The following KCTD7 variants were observed in gnomAD, a reference collection of about 807,000 sequenced individuals.
The protein encoded by KCTD7 is BTB/POZ domain-containing protein KCTD7.
KCTD7 carries 15 observed loss-of-function variants against 27.0 expected under a neutral mutation model. The observed-to-expected ratio is 0.56, with a 90% CI of 0.37 to 0.86. The LOEUF is 0.86. Ranked by LOEUF, KCTD7 falls within the 40% of genes least tolerant of loss-of-function variation. The probability of loss-of-function intolerance (pLI) is 0.00; values close to 1 mark genes in which losing one functional copy is unlikely to be tolerated. For missense variants in KCTD7, 299 were observed against 398.9 expected (o/e 0.75, Z 2.13); for synonymous variants, 159 against 162.7 (o/e 0.98, Z 0.17).
In KCTD7 at chr7:66,633,208, G is replaced by A. The variant is rs1786494238; in HGVS notation, c.145-67G>A. On this transcript the variant is annotated intron_variant, in intron 1 of 3. Transcript: ENST00000639828. The stretch of plus-strand genomic sequence containing the variant: ...TGGCACCAATCAGACCCCAGGGATT[G>A]AAGATGGAGCAGCCCCAGCTCTCAT... 2.0e-6 allele frequency: 3 copies of A among 1,538,042 alleles called. No homozygotes were observed. The South Asian group carries it at 3.4e-5, about 17-fold the overall frequency.
chr7:66,639,357 A>G lies in KCTD7; in HGVS notation c.*125A>G. On this transcript the variant is annotated 3_prime_UTR_variant, in exon 4 of 4. Coordinates refer to ENST00000639828, the MANE Select transcript of KCTD7 (RefSeq NM_153033.5). ...CTGCCGAGGTGAGAACAGCATCCTG[A>G]GGCACAGCTCCCAGGGGACAGAGGT... 1 of 1,565,302 alleles carries G rather than the reference A, an allele frequency of 6.4e-7. No homozygotes were observed. The highest frequency in any genetic ancestry group is 1.1e-5 in the South Asian group (1 of 87,472).
At position 66,633,403 on chromosome 7, in the gene KCTD7, C is replaced by T. The variant is rs139585796; in HGVS notation, c.273C>T (p.Ser91=). The change falls in exon 2 of 4, where the codon TCC becomes TCT. Residue 91 remains serine, a synonymous_variant. Transcript: ENST00000639828. ...GGCGGCACTACATCCCCACGGACTC[C>T]GAGGGCCGGTACTTCATCGACCGAG... ...FSGRHYIPTD[S]EGRYFIDRDG... is the part of the protein sequence containing the mutation. The T allele has an allele frequency of 3.8e-4, 609 of 1,614,010 alleles. No homozygotes were observed. The highest frequency in any genetic ancestry group is 9.9e-4 in the Middle Eastern group (6 of 6,060).
Position 66,640,853 on chromosome 7 carries a change from AAATT to A in KCTD7, c.*1622_*1625del. The A allele has an allele frequency of 1.0e-6, 1 of 983,724 alleles. No individual in the cohort carries two copies. Among genetic ancestry groups the A allele is most frequent in the Non-Finnish European group, 1.2e-6 (1 of 828,030 alleles). 60.9% of individuals were successfully genotyped at this position (983,724 alleles called of 1,614,324 possible). On this transcript the variant is annotated 3_prime_UTR_variant, in exon 4 of 4. Transcript: ENST00000639828. ...CGTAAAAATAAATAAATAAATAAAT[AAATT>A]GGGGAGGACAGCCTCACTGGTATCA...
Position 66,642,387 on chromosome 7 carries a change from C to CT in KCTD7, c.*3156dup. 1.0e-6 allele frequency: 1 copy of CT among 985,152 alleles called. No individual in the cohort carries two copies. The highest frequency in any genetic ancestry group is 1.2e-6 in the Non-Finnish European group (1 of 829,728). The allele number at this position is 985,152 out of a possible 1,614,324, so 61.0% of individuals were successfully genotyped here. A position where few individuals can be genotyped will look rare whatever the true frequency, so the allele number is the denominator to read the frequency against. ...TCTGGGAGCTGTCTGAGCCTTGTGC[C>CT]TAAGGCTTATCAGGTGATATAATCT... On this transcript the variant is annotated 3_prime_UTR_variant, in exon 4 of 4. Coordinates refer to ENST00000639828, the MANE Select transcript of KCTD7 (RefSeq NM_153033.5).
intron 1 of KCTD7, among the ~76,000 whole-genome samples, chr7:66,629,913 G>A (rs536568236): frequency 6.6e-6 from 1 of 152,286 alleles, no homozygotes; most frequent in African/African-American, 2.4e-5. Context: ...GTGCACAGGG[G>A]CTTCCACGGG....
At position 66,630,806 on chromosome 7, in the gene KCTD7, A is replaced by G. The variant is rs373887179; in HGVS notation, c.144+1598A>G. ...GATTGCAGACCAGGGCCCCACCACC[A>G]GTTCCCCCCACTGATGACATTGCCC... On this transcript the variant is annotated intron_variant, in intron 1 of 3. Coordinates refer to ENST00000639828, the MANE Select transcript of KCTD7 (RefSeq NM_153033.5). Among the ~76,000 whole-genome samples the G allele has an allele frequency of 5.6e-4, 86 of 152,302 alleles. 1 individual carries two copies. The East Asian group carries it at 0.012, about 21-fold the overall frequency.
At chr7:66,634,134 A>ATATG (rs1554397976) in intron 2 of KCTD7, among the ~76,000 whole-genome samples, 2 of 145,666 alleles carry the variant, frequency 1.4e-5, no homozygotes, top group Admixed American at 6.9e-5. Context: ...ATATATATAT[A>ATATG]TATGTATATA....
chr7:66,640,799 C>T lies in KCTD7; in HGVS notation c.*1567C>T. 3 of 976,286 alleles carry T rather than the reference C, an allele frequency of 3.1e-6. No homozygotes were observed. Among genetic ancestry groups the T allele is most frequent in the Non-Finnish European group, 2.4e-6 (2 of 818,248 alleles). 60.5% of individuals were successfully genotyped at this position (976,286 alleles called of 1,614,324 possible). A position where few individuals can be genotyped will look rare whatever the true frequency, so the allele number is the denominator to read the frequency against. On this transcript the variant is annotated 3_prime_UTR_variant, in exon 4 of 4. Coordinates refer to ENST00000639828, the MANE Select transcript of KCTD7 (RefSeq NM_153033.5). Reference sequence around the variant, plus strand: ...ATACTATGATCGTGCCTGTGGCTAGCCACTGTGCTCCAGCCTGGGCAACAC... The same window carrying T: ...ATACTATGATCGTGCCTGTGGCTAGTCACTGTGCTCCAGCCTGGGCAACAC...
rs1336919986 is a variant in KCTD7 at position 66,628,941 on chromosome 7, C to A, written c.-124C>A. On this transcript the variant is annotated 5_prime_UTR_variant, in exon 1 of 4. Transcript: ENST00000639828. ...CCGCCCTCCCGCCTGCGCACTGCCT[C>A]TCGCCCCCCTCCGGCCAGCCCGCAG... The A allele has an allele frequency of 1.3e-5, 13 of 1,009,174 alleles. No individual in the cohort carries two copies. Among genetic ancestry groups the A allele is most frequent in the African/African-American group, 8.5e-5 (5 of 58,668 alleles). 62.5% of individuals were successfully genotyped at this position (1,009,174 alleles called of 1,614,324 possible).
Position 66,638,849 on chromosome 7 carries a change from C to T in KCTD7, c.494-7C>T, listed in dbSNP as rs768234025. 6.2e-7 allele frequency: 1 copy of T among 1,613,950 alleles called. No individual in the cohort carries two copies. The highest frequency in any genetic ancestry group is 8.5e-7 in the Non-Finnish European group (1 of 1,180,020). ...CCTAGTGATAGGTGTTGTGTTCATCCTTATAGACCACTTGGAGCGGATTGT... is the reference window on the plus strand; with the variant it reads ...CCTAGTGATAGGTGTTGTGTTCATCTTTATAGACCACTTGGAGCGGATTGT... On this transcript the variant is annotated splice_region_variant and splice_polypyrimidine_tract_variant and intron_variant, in intron 3 of 3. Transcript: ENST00000639828.
intron 1 of KCTD7, among the ~76,000 whole-genome samples, chr7:66,631,146 C>T (rs1057250046): frequency 9.2e-5 from 14 of 152,228 alleles, no homozygotes; most frequent in African/African-American, 2.9e-4. Context: ...AATTTTGGGT[C>T]TTTATTTGAG....
rs2116776165 is a variant in KCTD7 at position 66,639,373 on chromosome 7, G to A, written c.*141G>A. 6.5e-7 allele frequency: 1 copy of A among 1,541,520 alleles called. No homozygotes were observed. The highest frequency in any genetic ancestry group is 8.7e-7 in the Non-Finnish European group (1 of 1,148,626). ...AGCATCCTGAGGCACAGCTCCCAGG[G>A]GACAGAGGTGTAGCTCCAATCTCCC... is the stretch of plus-strand genomic sequence containing the variant. On this transcript the variant is annotated 3_prime_UTR_variant, in exon 4 of 4. Transcript: ENST00000639828.
At position 66,642,545 on chromosome 7, in the gene KCTD7, A is replaced by G; in HGVS notation, c.*3313A>G. 1.0e-6 allele frequency: 1 copy of G among 985,432 alleles called. No homozygotes were observed. Among genetic ancestry groups the G allele is most frequent in the Non-Finnish European group, 1.2e-6 (1 of 829,934 alleles). The allele number at this position is 985,432 out of a possible 1,614,324, so 61.0% of individuals were successfully genotyped here. Reference sequence around the variant, plus strand: ...AAAGCAAACAGCAATAACAAAACAAAAACTACTGATGCTGAGCGTTTTGAT... The same window carrying G: ...AAAGCAAACAGCAATAACAAAACAAGAACTACTGATGCTGAGCGTTTTGAT... On this transcript the variant is annotated 3_prime_UTR_variant, in exon 4 of 4. Transcript: ENST00000639828.
chr7:66,634,245 A>G (rs1254231873), intron 2 of KCTD7, among the ~76,000 whole-genome samples: 1 of 149,600 alleles, frequency 6.7e-6, no homozygotes, highest in African/African-American at 2.5e-5. Context: ...TAAAGATAGG[A>G]TCTTGCTGTG....
Position 66,640,399 on chromosome 7 carries a change from G to A in KCTD7, c.*1167G>A. On this transcript the variant is annotated 3_prime_UTR_variant, in exon 4 of 4. Transcript: ENST00000639828. Reference sequence around the variant, plus strand: ...TACTTACTCCTCTATTTCAGAAATTGAAAAAGATCCCCAAGGATCTGTTAC... The same window carrying A: ...TACTTACTCCTCTATTTCAGAAATTAAAAAAGATCCCCAAGGATCTGTTAC... The A allele has an allele frequency of 6.5e-7, 1 of 1,537,198 alleles. No homozygotes were observed. Among genetic ancestry groups the A allele is most frequent in the Non-Finnish European group, 8.7e-7 (1 of 1,146,882 alleles).
At chr7:66,633,123 G>A (rs1284595850) in intron 1 of KCTD7, 152 bp from the exon 2 acceptor site, 1 of 741,670 alleles carries the variant, frequency 1.3e-6, no homozygotes, top group Non-Finnish European at 2.4e-6. Context: ...GGGGCAGAGG[G>A]AGGAGAGAGA....
chr7:66,633,165 G>GTGAC, intron 1 of KCTD7, 110 bp from the exon 2 acceptor site: 1 of 1,106,742 alleles, frequency 9.0e-7, no homozygotes, highest in Non-Finnish European at 1.4e-6. Flanking sequence ...GTGGGCTTGA[G>GTGAC]TGACTGAATG....
intron 1 of KCTD7, among the ~76,000 whole-genome samples, chr7:66,632,488 CAAAAAAAAA>C (rs79868578): frequency 1.9e-5 from 1 of 52,614 alleles, no homozygotes; most frequent in African/African-American, 7.4e-5. Context: ...GACTCCGTCT[CAAAAAAAAA>C]AAAAAAAAGA....
chr7:66,629,445 G>A (rs1208689303), intron 1 of KCTD7, among the ~76,000 whole-genome samples: 3 of 136,064 alleles, frequency 2.2e-5, no homozygotes, highest in Non-Finnish European at 4.7e-5. Flanking sequence ...TACACCCTCC[G>A]CCCAGTAGTC....
Sources: allele counts gnomAD v4.1 joint callset (sites outside exome capture counted in the v4.1 genomes callset), GRCh38; gene constraint gnomAD v4.1.1; transcripts MANE v1.5; gene names NCBI Gene and HGNC (gene_info 2026-07-23, HGNC 2026-07-21).